The following RBBP8NL variants were observed in gnomAD, a reference collection of about 807,000 sequenced individuals.
RBBP8NL encodes the protein RBBP8 N-terminal-like protein.
A neutral mutation model predicts 62.2 loss-of-function variants in RBBP8NL; 59 were observed. The ratio of observed to expected loss-of-function variants is 0.95; its 90% CI spans 0.77 to 1.18. The LOEUF (loss-of-function observed/expected upper bound fraction) is 1.18, where lower values mean the gene tolerates loss of function less well. Ranked by LOEUF, RBBP8NL falls within the 50% of genes most tolerant of loss-of-function variation. RBBP8NL has a pLI of 0.00. For missense variants in RBBP8NL, 896 were observed against 899.5 expected (o/e 1.00, Z 0.05); for synonymous variants, 412 against 394.1 (o/e 1.05, Z -0.54).
chr20:62,421,370 GT>G (rs1988694357), intron 1 of RBBP8NL, among the ~76,000 whole-genome samples: 1 of 150,516 alleles, frequency 6.6e-6, no homozygotes. Flanking sequence ...GCATGTGTGT[GT>G]GCCATGTGTG....
intron 1 of RBBP8NL, among the ~76,000 whole-genome samples, chr20:62,423,670 C>T (rs1988752952): frequency 6.6e-6 from 1 of 152,190 alleles, no homozygotes; most frequent in Non-Finnish European, 1.5e-5. Flanking sequence ...CCAGTGAAGT[C>T]ACTGTGGTGC....
intron 13 of RBBP8NL, among the ~76,000 whole-genome samples, chr20:62,411,994 C>T (rs777057367): frequency 2.6e-5 from 4 of 152,248 alleles, no homozygotes; most frequent in Non-Finnish European, 5.9e-5. Flanking sequence ...GCTCCTGGAC[C>T]CCAGCTGGAG....
chr20:62,415,347 G>A (rs1988538628), intron 8 of RBBP8NL, 60 bp from the exon 9 acceptor site: 1 of 1,506,608 alleles, frequency 6.6e-7, no homozygotes, highest in Non-Finnish European at 8.9e-7. Flanking sequence ...TGTGGCCTCT[G>A]CCATAGCCTC....
Position 62,419,804 on chromosome 20 carries a change from G to A in RBBP8NL, c.-83-74C>T, listed in dbSNP as rs41304405. 6.4e-3 allele frequency: 4,607 copies of A among 715,328 alleles called. 27 individuals carry two copies. The highest frequency in any genetic ancestry group is 8.7e-3 in the Non-Finnish European group (3,759 of 433,912). The allele number at this position is 715,328 out of a possible 1,614,324, so 44.3% of individuals were successfully genotyped here. On this transcript the variant is annotated intron_variant, in intron 1 of 13. Transcript: ENST00000252998. Reference sequence around the variant, plus strand: ...GGCTGTGGAGTCCAGGAGAGGATTGGGGCTCCTTGTGTCTGTATGGAGCAG... The same window carrying A: ...GGCTGTGGAGTCCAGGAGAGGATTGAGGCTCCTTGTGTCTGTATGGAGCAG...
Position 62,414,086 on chromosome 20 carries a change from G to A in RBBP8NL, c.1265C>T (p.Pro422Leu), listed in dbSNP as rs369576873. ...AGCCTCTGTCCTCTGGGCGCGGCCC[G>A]GGCCTGCAGGCTGTGTGTGCCGCCC... is the stretch of plus-strand genomic sequence containing the variant. Reference protein sequence around the residue: ...SGGRHTQPAGPGRAQRTEAAA... With the variant: ...SGGRHTQPAGLGRAQRTEAAA... Residue 422 changes from proline (P) to leucine (L), a missense_variant, in exon 10 of 14, where the codon CCG becomes CTG. Coordinates refer to ENST00000252998, the MANE Select transcript of RBBP8NL (RefSeq NM_080833.3). The A allele has an allele frequency of 1.2e-4, 184 of 1,591,864 alleles. No individual in the cohort carries two copies. The highest frequency in any genetic ancestry group is 1.4e-4 in the Non-Finnish European group (168 of 1,171,388).
intron 12 of RBBP8NL, 30 bp downstream of exon 12, chr20:62,412,800 T>C (rs1225176580): frequency 1.2e-6 from 2 of 1,613,154 alleles, no homozygotes; most frequent in Non-Finnish European, 1.7e-6. Context: ...CTCCTGGCCC[T>C]GCCCTGCTGA....
chr20:62,417,655 G>A (rs1268081607), intron 3 of RBBP8NL, among the ~76,000 whole-genome samples: 4 of 92,428 alleles, frequency 4.3e-5, no homozygotes, highest in Non-Finnish European at 6.0e-5. Flanking sequence ...CGTCTGTCCC[G>A]TCCACGCACC....
Position 62,412,769 on chromosome 20 carries a change from T to C in RBBP8NL, c.1747-16A>G, listed in dbSNP as rs373858641. On this transcript the variant is annotated splice_polypyrimidine_tract_variant and intron_variant, in intron 12 of 13. Coordinates refer to ENST00000252998, the MANE Select transcript of RBBP8NL (RefSeq NM_080833.3). ...TCAGGCCCACCTGGGGAGAAGGGGGTGTGGTCACGAGGAGGACTGCCTCCT... is the reference window on the plus strand; with the variant it reads ...TCAGGCCCACCTGGGGAGAAGGGGGCGTGGTCACGAGGAGGACTGCCTCCT... 30 of 1,612,680 alleles carry C rather than the reference T, an allele frequency of 1.9e-5. No homozygotes were observed. In the African/African-American group the frequency reaches 1.9e-4, roughly 10 times the overall value.
chr20:62,415,128 G>T lies in RBBP8NL; in HGVS notation c.787C>A (p.Leu263Met). 6.8e-7 allele frequency: 1 copy of T among 1,480,062 alleles called. No homozygotes were observed. Among genetic ancestry groups the T allele is most frequent in the African/African-American group, 1.4e-5 (1 of 71,036 alleles). 91.7% of individuals were successfully genotyped at this position (1,480,062 alleles called of 1,614,324 possible). A position where few individuals can be genotyped will look rare whatever the true frequency, so the allele number is the denominator to read the frequency against. Reference sequence around the variant, plus strand: ...GGTGGGGCAGGCGGGCACCTGTCCAGGGAGAGGCCACGCTCATACGCTGGG... The same window carrying T: ...GGTGGGGCAGGCGGGCACCTGTCCATGGAGAGGCCACGCTCATACGCTGGG... The part of the protein sequence containing the change: ...PSPAYERGLS[L>M]DSFLRASRPS... The change falls in exon 9 of 14, where the codon CTG (leucine) becomes ATG (methionine). Residue 263 changes from leucine to methionine, a missense_variant. Coordinates refer to ENST00000252998, the MANE Select transcript of RBBP8NL (RefSeq NM_080833.3).
intron 5 of RBBP8NL, among the ~76,000 whole-genome samples, 153 bp downstream of exon 5, chr20:62,416,607 G>A (rs1197902477): frequency 6.6e-6 from 1 of 152,214 alleles, no homozygotes; most frequent in Non-Finnish European, 1.5e-5. Context: ...GGGGCTTTGT[G>A]TGTTTGTCTG....
Position 62,413,868 on chromosome 20 carries a change from T to A in RBBP8NL, c.1483A>T (p.Thr495Ser). Residue 495 changes from threonine to serine, a missense_variant, in exon 10 of 14, where the codon ACC becomes TCC. Physicochemically the swap from Thr to Ser is moderately conservative, Grantham distance 58. Coordinates refer to ENST00000252998, the MANE Select transcript of RBBP8NL (RefSeq NM_080833.3). Reference protein sequence around the residue: ...TRSPQALSNGTKGTRVPEQEE... With the variant: ...TRSPQALSNGSKGTRVPEQEE... ...TGCTCTGGCACTCTGGTCCCCTTGG[T>A]GCCATTGCTGAGTGCCTGGGGACTG... 1 of 1,596,024 alleles carries A rather than the reference T, an allele frequency of 6.3e-7. No homozygotes were observed. Among genetic ancestry groups the A allele is most frequent in the East Asian group, 2.3e-5 (1 of 44,180 alleles).
In RBBP8NL at chr20:62,410,754, G is replaced by A; in HGVS notation, c.*124C>T. 3 of 702,094 alleles carry A rather than the reference G, an allele frequency of 4.3e-6. No homozygotes were observed. Among genetic ancestry groups the A allele is most frequent in the Non-Finnish European group, 5.0e-6 (2 of 403,242 alleles). The allele number at this position is 702,094 out of a possible 1,614,324, so 43.5% of individuals were successfully genotyped here. ...GCTCACTGTGGGTTCAGCTGAGGCT[G>A]GCTAGGTCTTCTCCCAGGGTTCTGT... is the stretch of plus-strand genomic sequence containing the variant. On this transcript the variant is annotated 3_prime_UTR_variant, in exon 14 of 14. Transcript: ENST00000252998.
chr20:62,411,675 C>G (rs1203299757), intron 13 of RBBP8NL, among the ~76,000 whole-genome samples: 2 of 152,262 alleles, frequency 1.3e-5, no homozygotes, highest in Non-Finnish European at 2.9e-5. Context: ...GGGCAGGGAC[C>G]TGCTCTCACT....
At chr20:62,414,935 C>T (rs913401680) in intron 9 of RBBP8NL, among the ~76,000 whole-genome samples, 186 bp downstream of exon 9, 23 of 152,262 alleles carry the variant, frequency 1.5e-4, no homozygotes, top group Admixed American at 9.8e-4. Flanking sequence ...CCTGCCCCCA[C>T]GCCCCAGGCC....
intron 6 of RBBP8NL, 86 bp from the exon 7 acceptor site, chr20:62,416,031 C>A: frequency 6.8e-7 from 1 of 1,471,410 alleles, no homozygotes; most frequent in Non-Finnish European, 9.2e-7. Flanking sequence ...CCTGGGTGAC[C>A]CCAGGTGACG....
At chr20:62,425,588 C>T (rs925046217) in intron 1 of RBBP8NL, among the ~76,000 whole-genome samples, 6 of 152,238 alleles carry the variant, frequency 3.9e-5, no homozygotes, top group Non-Finnish European at 8.8e-5. Context: ...TCTGGGAGGC[C>T]GGGCCCCCTG....
At chr20:62,426,410 T>G (rs943402213) in intron 1 of RBBP8NL, among the ~76,000 whole-genome samples, 1 of 152,236 alleles carries the variant, frequency 6.6e-6, no homozygotes, top group Non-Finnish European at 1.5e-5. Context: ...GCTGCCCCTG[T>G]GGAACACCCA....
chr20:62,415,318 G>C (rs1234569650), intron 8 of RBBP8NL, 31 bp from the exon 9 acceptor site: 8 of 1,546,084 alleles, frequency 5.2e-6, no homozygotes, highest in Non-Finnish European at 6.1e-6. Flanking sequence ...GCCTGGGCGG[G>C]GGCATGCGTG....
At chr20:62,411,333 G>C (rs879458064) in intron 13 of RBBP8NL, among the ~76,000 whole-genome samples, 1 of 152,178 alleles carries the variant, frequency 6.6e-6, no homozygotes, top group Admixed American at 6.5e-5. Context: ...GCCTGCCCCC[G>C]GGCTAGGGCC....
Sources: allele counts gnomAD v4.1 joint callset (sites outside exome capture counted in the v4.1 genomes callset), GRCh38; gene constraint gnomAD v4.1.1; transcripts MANE v1.5; gene names NCBI Gene and HGNC (gene_info 2026-07-23, HGNC 2026-07-21).